Variants in VWA8 observed in about 807,000 individuals in gnomAD.
The protein encoded by VWA8 is von Willebrand factor A domain containing 8.
A neutral mutation model predicts 241.5 loss-of-function variants in VWA8; 221 were observed. The observed-to-expected ratio is 0.91, with a 90% CI of 0.82 to 1.02. The LOEUF is 1.02. Among genes scored for constraint, VWA8 ranks in the 50% least tolerant of loss-of-function variants. VWA8 has a pLI of 0.00. For synonymous variants in VWA8, 852 were observed against 827.1 expected, an observed-to-expected ratio of 1.03 and a Z score of -0.52; for missense variants, 2,322 against 2,328.7, an observed-to-expected ratio of 1.00 and a Z score of 0.06.
chr13:41,908,937 T>A (rs1262907522), intron 3 of VWA8, among the ~76,000 whole-genome samples: 1 of 152,250 alleles, frequency 6.6e-6, no homozygotes, highest in Admixed American at 6.5e-5. Context: ...AGGGGATTTT[T>A]TCTCCATCCT....
chr13:41,676,717 C>T (rs2149486), intron 35 of VWA8, among the ~76,000 whole-genome samples: 28,804 of 152,116 alleles, frequency 0.19, 3,432 homozygotes, highest in East Asian at 0.34. Flanking sequence ...ACTGCAACCT[C>T]CGCCTCCTCT....
At chr13:41,790,397 T>G (rs1869404110) in intron 17 of VWA8, among the ~76,000 whole-genome samples, 1 of 152,090 alleles carries the variant, frequency 6.6e-6, no homozygotes. Flanking sequence ...GCTTATTTAT[T>G]TATTTATCCA....
chr13:41,580,277 C>A (rs1266464987), intron 42 of VWA8, among the ~76,000 whole-genome samples: 1 of 152,124 alleles, frequency 6.6e-6, no homozygotes, highest in African/African-American at 2.4e-5. Flanking sequence ...ATTCTGAATT[C>A]TTGTTTGAAG....
At chr13:41,950,082 T>C (rs961090230) in intron 1 of VWA8, 69 bp from the exon 2 acceptor site, 14 of 925,396 alleles carry the variant, frequency 1.5e-5, no homozygotes, top group Non-Finnish European at 2.0e-5. Context: ...TATGCAACAA[T>C]GCTTGTCCTG....
chr13:41,770,023 T>C (rs779917318), intron 20 of VWA8, among the ~76,000 whole-genome samples: 1 of 152,042 alleles, frequency 6.6e-6, no homozygotes, highest in Non-Finnish European at 1.5e-5. Context: ...GAAAGCCTCA[T>C]AGAAGAAAAA....
chr13:41,820,761 C>T (rs369379384), intron 14 of VWA8, among the ~76,000 whole-genome samples: 22 of 152,220 alleles, frequency 1.4e-4, no homozygotes, highest in African/African-American at 2.4e-4. Flanking sequence ...TAGATAGCCA[C>T]GTGACAGAAA....
intron 43 of VWA8, among the ~76,000 whole-genome samples, chr13:41,571,310 C>T (rs1309126519): frequency 4.5e-4 from 48 of 107,484 alleles, no homozygotes; most frequent in African/African-American, 1.5e-3. Flanking sequence ...CCCTCTCCCT[C>T]CTCCCTCTCC....
At chr13:41,755,320 T>A (rs909927462) in intron 21 of VWA8, among the ~76,000 whole-genome samples, 1 of 152,060 alleles carries the variant, frequency 6.6e-6, no homozygotes, top group Non-Finnish European at 1.5e-5. Flanking sequence ...GGGTAATATA[T>A]ATATTTTAAA....
chr13:41,960,786 G>A, intron 1 of VWA8, 67 bp downstream of exon 1: 2 of 1,461,292 alleles, frequency 1.4e-6, no homozygotes, highest in Non-Finnish European at 1.8e-6. Flanking sequence ...AGGAGGGGCG[G>A]GGGCGCGCGG....
chr13:41,896,041 T>G (rs1279669839), intron 4 of VWA8, among the ~76,000 whole-genome samples: 3 of 151,946 alleles, frequency 2.0e-5, no homozygotes, highest in African/African-American at 7.2e-5. Context: ...GTGAGTTTAA[T>G]TTAGGAATAC....
chr13:41,891,964 C>G (rs1177412649), intron 4 of VWA8, among the ~76,000 whole-genome samples: 1 of 152,098 alleles, frequency 6.6e-6, no homozygotes, highest in Non-Finnish European at 1.5e-5. Context: ...AGTTATCTGC[C>G]CTACCTATCC....
chr13:41,953,086 G>C lies in VWA8; in HGVS notation c.164-3073C>G, dbSNP rs553658592. Among the ~76,000 whole-genome samples, 20 of 152,210 alleles carry C rather than the reference G, an allele frequency of 1.3e-4. 1 individual carries two copies. In the South Asian group the frequency reaches 4.1e-3, roughly 32 times the overall value. On this transcript the variant is annotated intron_variant, in intron 1 of 44. Transcript: ENST00000379310. ...ACGGACAGAACTAAAAGTGGAAATA[G>C]AAAAATGCACAATCACATCTAGATA...
intron 37 of VWA8, among the ~76,000 whole-genome samples, chr13:41,658,625 C>T (rs1335209319): frequency 2.6e-5 from 4 of 152,226 alleles, no homozygotes; most frequent in South Asian, 2.1e-4. Flanking sequence ...TCTGCCTCCA[C>T]GTCCCATAGT....
intron 35 of VWA8, among the ~76,000 whole-genome samples, chr13:41,677,898 AC>A (rs568315105): frequency 1.3e-3 from 193 of 152,326 alleles, no homozygotes; most frequent in Admixed American, 3.7e-3. Flanking sequence ...TTTACAAAAA[AC>A]AAGAAACTTG....
At chr13:41,780,470 C>T (rs1868841500) in intron 19 of VWA8, among the ~76,000 whole-genome samples, 1 of 152,162 alleles carries the variant, frequency 6.6e-6, no homozygotes, top group Admixed American at 6.5e-5. Flanking sequence ...GCTGACCAAA[C>T]TCCTATTATC....
At chr13:41,579,651 T>G (rs1416360162) in intron 42 of VWA8, among the ~76,000 whole-genome samples, 1 of 152,222 alleles carries the variant, frequency 6.6e-6, no homozygotes, top group East Asian at 1.9e-4. Context: ...ACAATACACT[T>G]ACTGACTTTA....
intron 41 of VWA8, among the ~76,000 whole-genome samples, chr13:41,588,110 G>A (rs549350824): frequency 4.2e-4 from 64 of 152,300 alleles, no homozygotes; most frequent in African/African-American, 1.5e-3. Context: ...ATTGGGTAGT[G>A]ACCTGAAAAT....
intron 20 of VWA8, among the ~76,000 whole-genome samples, chr13:41,764,508 T>C (rs781445560): frequency 6.6e-5 from 10 of 152,160 alleles, no homozygotes; most frequent in African/African-American, 1.4e-4. Flanking sequence ...ATATAATAGA[T>C]AGTGTCCTCA....
chr13:41,948,839 A>T (rs1362767997), intron 2 of VWA8, among the ~76,000 whole-genome samples: 1 of 152,186 alleles, frequency 6.6e-6, no homozygotes, highest in Non-Finnish European at 1.5e-5. Flanking sequence ...AGGAGAATGG[A>T]TAAACAAACT....
Sources: gnomAD v4.1 joint callset for allele counts (sites outside exome capture counted in the v4.1 genomes callset) on GRCh38, gnomAD v4.1.1 for gene constraint, MANE v1.5 for transcripts, NCBI Gene and HGNC (gene_info 2026-07-23, HGNC 2026-07-21) for gene names.